EMILIN1: variants seen among roughly 807,000 people sequenced by gnomAD.
EMILIN1 encodes the protein EMILIN-1.
Under a neutral mutation model 82.4 loss-of-function variants are expected in EMILIN1, and 49 were observed. That is an observed-to-expected ratio of 0.59 (90% CI 0.47 to 0.75). The LOEUF (loss-of-function observed/expected upper bound fraction) is 0.75. EMILIN1 is among the 30% of genes least tolerant of loss of function. EMILIN1 has a pLI of 0.00. For missense variants in EMILIN1, 1,313 were observed against 1,366.4 expected (o/e 0.96, Z 0.62); for synonymous variants, 604 against 602.2 (o/e 1.00, Z -0.04).
rs375021722 is a variant in EMILIN1, at chr2:27,082,542, G to A, written c.971G>A (p.Arg324Gln). The change falls in exon 4 of 8, where the codon CGA becomes CAA. Residue 324 changes from arginine to glutamine, a missense_variant. By Grantham distance (43) the Arg-to-Gln change is conservative (BLOSUM62 1). Coordinates refer to ENST00000380320, the MANE Select transcript of EMILIN1 (RefSeq NM_007046.4). ...RQQQEDRERL[R>Q]AMEKLLASVE... ...CAGCAGGAGGACAGGGAGCGGCTGC[G>A]AGCGATGGAGAAGCTGCTGGCCTCG... 3.1e-5 allele frequency: 48 copies of A among 1,542,812 alleles called. No homozygotes were observed. The highest frequency in any genetic ancestry group is 4.8e-5 in the South Asian group (4 of 84,020).
chr2:27,081,528 C>T (rs1488473083), intron 3 of EMILIN1, among the ~76,000 whole-genome samples: 1 of 152,166 alleles, frequency 6.6e-6, no homozygotes, highest in East Asian at 1.9e-4. Flanking sequence ...CAACTCTCAC[C>T]GTCCACAGAG....
At chr2:27,079,493 C>G (rs1436040423) in intron 1 of EMILIN1, among the ~76,000 whole-genome samples, 1 of 152,146 alleles carries the variant, frequency 6.6e-6, no homozygotes, top group African/African-American at 2.4e-5. Flanking sequence ...CGGGCCAGGC[C>G]TTCCTGCCAG....
chr2:27,079,147 G>A lies in EMILIN1; in HGVS notation c.82G>A (p.Gly28Ser), dbSNP rs1174686741. The A allele has an allele frequency of 2.5e-6, 4 of 1,603,402 alleles. No individual in the cohort carries two copies. Among genetic ancestry groups the A allele is most frequent in the Non-Finnish European group, 3.4e-6 (4 of 1,175,616 alleles). ...AGGGGCCGCCAGCTACCCTCCTCGA[G>A]GTTTCAGCCTCTACACAGGTTCCAG... The part of the protein sequence containing the change: ...AAGAASYPPR[G>S]FSLYTGSSGA... Residue 28 changes from glycine to serine, a missense_variant, in exon 1 of 8, where the codon GGT becomes AGT. By Grantham distance (56) the Gly-to-Ser change is moderately conservative (BLOSUM62 0). Coordinates refer to ENST00000380320, the MANE Select transcript of EMILIN1 (RefSeq NM_007046.4).
In EMILIN1 at chr2:27,079,005, G is replaced by A. The variant is rs1489419590; in HGVS notation, c.-61G>A. On this transcript the variant is annotated 5_prime_UTR_variant, in exon 1 of 8. Transcript: ENST00000380320. ...GTGGAGCAGCAGCATCCCCGGGGCC[G>A]GCAGAGGCGCCAGTGGCTGGGCGGG... 16 of 1,343,252 alleles carry A rather than the reference G, an allele frequency of 1.2e-5. No homozygotes were observed. The highest frequency in any genetic ancestry group is 7.3e-5 in the South Asian group (5 of 68,080). The allele number at this position is 1,343,252 out of a possible 1,614,324, so 83.2% of individuals were successfully genotyped here. A position where few individuals can be genotyped will look rare whatever the true frequency, so the allele number is the denominator to read the frequency against.
rs766286890 is a variant in EMILIN1 at position 27,083,936 on chromosome 2, C to G, written c.2365C>G (p.Arg789Gly). The G allele has an allele frequency of 6.3e-7, 1 of 1,592,268 alleles. No homozygotes were observed. Among genetic ancestry groups the G allele is most frequent in the Non-Finnish European group, 8.6e-7 (1 of 1,167,722 alleles). ...CGGGGGACAGGCGGGCCTGGGCAGGCGGCTGGGTGCCCTTAACAGCTCCCT... is the reference window on the plus strand; with the variant it reads ...CGGGGGACAGGCGGGCCTGGGCAGGGGGCTGGGTGCCCTTAACAGCTCCCT... ...LVGGQAGLGR[R>G]LGALNSSLQL... Residue 789 changes from arginine to glycine, a missense_variant, in exon 4 of 8, where the codon CGG (arginine) becomes GGG (glycine). Arg to Gly is a moderately radical substitution (Grantham distance 125, BLOSUM62 -2). Transcript: ENST00000380320.
In EMILIN1 at chr2:27,083,593, T is replaced by A; in HGVS notation, c.2022T>A (p.Asp674Glu). ...LQTTVEGQGA[D>E]LADLGATKDR... Reference sequence around the variant, plus strand: ...CCACTGTGGAGGGCCAGGGCGCTGATCTGGCTGACCTGGGGGCAACCAAGG... The same window carrying A: ...CCACTGTGGAGGGCCAGGGCGCTGAACTGGCTGACCTGGGGGCAACCAAGG... The change falls in exon 4 of 8, where the codon GAT becomes GAA. Residue 674 changes from aspartate to glutamate, a missense_variant. Asp to Glu is a conservative substitution (Grantham distance 45). Coordinates refer to ENST00000380320, the MANE Select transcript of EMILIN1 (RefSeq NM_007046.4). 2 of 1,613,720 alleles carry A rather than the reference T, an allele frequency of 1.2e-6. No homozygotes were observed. Among genetic ancestry groups the A allele is most frequent in the Non-Finnish European group, 1.7e-6 (2 of 1,179,708 alleles).
chr2:27,083,736 G>A lies in EMILIN1; in HGVS notation c.2165G>A (p.Ser722Asn), dbSNP rs906869865. The A allele has an allele frequency of 6.2e-7, 1 of 1,613,584 alleles. No homozygotes were observed. The highest frequency in any genetic ancestry group is 1.7e-5 in the Admixed American group (1 of 60,002). The change falls in exon 4 of 8, where the codon AGC becomes AAC. Residue 722 changes from serine to asparagine, a missense_variant. Physicochemically the swap from Ser to Asn is conservative, Grantham distance 46. Transcript: ENST00000380320. Reference protein sequence around the residue: ...EGQAQAGQCPSLEGRLGRLEG... With the variant: ...EGQAQAGQCPNLEGRLGRLEG... ...CAAGCACAGGCCGGCCAGTGCCCCA[G>A]CTTAGAGGGGCGATTGGGCCGTCTT...
intron 7 of EMILIN1, among the ~76,000 whole-genome samples, 165 bp downstream of exon 7, chr2:27,085,462 G>A (rs548894299): frequency 3.9e-5 from 6 of 152,380 alleles, no homozygotes; most frequent in Admixed American, 1.3e-4. Context: ...GGGAGAAGAA[G>A]TAGTCATTCA....
Position 27,080,714 on chromosome 2 carries a change from T to A in EMILIN1, c.291-18T>A, listed in dbSNP as rs747792185. 2.5e-6 allele frequency: 4 copies of A among 1,601,012 alleles called. No homozygotes were observed. Among genetic ancestry groups the A allele is most frequent in the Admixed American group, 3.4e-5 (2 of 58,974 alleles). ...CCGTACAGGGAGGAATAAAGAGGCC[T>A]CCTTCTGCCTCTGCCAGGTACCGCC... is the stretch of plus-strand genomic sequence containing the variant. On this transcript the variant is annotated intron_variant, in intron 2 of 7. Transcript: ENST00000380320.
Position 27,083,350 on chromosome 2 carries a change from C to T in EMILIN1, c.1779C>T (p.Gly593=), listed in dbSNP as rs1373443292. 2.5e-6 allele frequency: 4 copies of T among 1,613,028 alleles called. No individual in the cohort carries two copies. Among genetic ancestry groups the T allele is most frequent in the African/African-American group, 1.3e-5 (1 of 75,052 alleles). The part of the protein sequence containing the change: ...GACGGVQEEL[G]RLRDGVERCS... ...GTGGCGGAGTCCAAGAGGAACTAGG[C>T]CGCCTTCGGGATGGTGTGGAGCGCT... The change falls in exon 4 of 8, where the codon GGC becomes GGT. Residue 593 remains glycine (G), a synonymous_variant. Coordinates refer to ENST00000380320, the MANE Select transcript of EMILIN1 (RefSeq NM_007046.4).
In EMILIN1 at chr2:27,080,177, G is replaced by A. The variant is rs753987568; in HGVS notation, c.197G>A (p.Arg66Gln). 21 of 1,613,976 alleles carry A rather than the reference G, an allele frequency of 1.3e-5. No individual in the cohort carries two copies. The highest frequency in any genetic ancestry group is 2.2e-5 in the South Asian group (2 of 91,092). ...HRNWCAYVVT[R>Q]TVSCVLEDGV... ...AACTGGTGTGCCTACGTGGTGACCC[G>A]GACAGTGAGCTGTGTCCTTGAGGAT... The change falls in exon 2 of 8, where the codon CGG (arginine) becomes CAG (glutamine). Residue 66 changes from arginine to glutamine, a missense_variant. Transcript: ENST00000380320.
Position 27,082,633 on chromosome 2 carries a change from C to G in EMILIN1, c.1062C>G (p.Cys354Trp). The part of the protein sequence containing the change: ...AVGRRPPQEC[C>W]SPELGRRLAE... ...GCCGCAGGCCCCCTCAGGAATGCTG[C>G]TCTCCAGAGCTGGGCCGGCGACTGG... The change falls in exon 4 of 8, where the codon TGC becomes TGG. Residue 354 changes from cysteine to tryptophan, a missense_variant. Transcript: ENST00000380320. 1 of 1,545,926 alleles carries G rather than the reference C, an allele frequency of 6.5e-7. No homozygotes were observed. Among genetic ancestry groups the G allele is most frequent in the Non-Finnish European group, 8.7e-7 (1 of 1,148,038 alleles).
rs779056315 is a variant in EMILIN1, at chr2:27,082,994, A to T, written c.1423A>T (p.Met475Leu). 3 of 1,570,784 alleles carry T rather than the reference A, an allele frequency of 1.9e-6. No homozygotes were observed. Among genetic ancestry groups the T allele is most frequent in the Non-Finnish European group, 2.6e-6 (3 of 1,158,766 alleles). The change falls in exon 4 of 8, where the codon ATG becomes TTG. Residue 475 changes from methionine to leucine, a missense_variant. Physicochemically the swap from Met to Leu is conservative, Grantham distance 15. Transcript: ENST00000380320. Reference sequence around the variant, plus strand: ...GTTGGAGGAGCAGGTGGCAGGGGCCATGCAGGCATGCGGGCAGCTCTGCTC... The same window carrying T: ...GTTGGAGGAGCAGGTGGCAGGGGCCTTGCAGGCATGCGGGCAGCTCTGCTC... ...DLLEEQVAGA[M>L]QACGQLCSGA...
At position 27,078,722 on chromosome 2, in the gene EMILIN1, G is replaced by T; in HGVS notation, c.-344G>T. On this transcript the variant is annotated 5_prime_UTR_variant, in exon 1 of 8. Transcript: ENST00000380320. ...CAGAAGAGGGCCAGCTGGGACGAGG[G>T]GGCGGACGCCCAGGAGGCAACTTCT... The T allele has an allele frequency of 3.9e-6, 1 of 254,454 alleles. No individual in the cohort carries two copies. The highest frequency in any genetic ancestry group is 7.5e-6 in the Non-Finnish European group (1 of 134,052). The allele number at this position is 254,454 out of a possible 1,614,324, so 15.8% of individuals were successfully genotyped here. A position where few individuals can be genotyped will look rare whatever the true frequency, so the allele number is the denominator to read the frequency against.
rs1319521284 is a variant in EMILIN1, at chr2:27,080,135, G to A, written c.171-16G>A. ...GTATCTTTGGTCCTTGGACCCAGAGGGGGTTGTACCTACAGGAACTGGTGT... is the reference window on the plus strand; with the variant it reads ...GTATCTTTGGTCCTTGGACCCAGAGAGGGTTGTACCTACAGGAACTGGTGT... On this transcript the variant is annotated splice_polypyrimidine_tract_variant and intron_variant, in intron 1 of 7. Coordinates refer to ENST00000380320, the MANE Select transcript of EMILIN1 (RefSeq NM_007046.4). 2 of 1,613,726 alleles carry A rather than the reference G, an allele frequency of 1.2e-6. No homozygotes were observed. Among genetic ancestry groups the A allele is most frequent in the South Asian group, 1.1e-5 (1 of 91,036 alleles).
At chr2:27,084,309 A>G in intron 4 of EMILIN1, 106 bp from the exon 5 acceptor site, 1 of 757,806 alleles carries the variant, frequency 1.3e-6, no homozygotes. Flanking sequence ...GCAAAGCTCC[A>G]CCTGTTCCAT....
intron 5 of EMILIN1, 74 bp from the exon 6 acceptor site, chr2:27,084,917 C>A: frequency 7.2e-7 from 1 of 1,388,272 alleles, no homozygotes; most frequent in Non-Finnish European, 1.0e-6. Flanking sequence ...AACAGGAGAG[C>A]CTCAGCAGAT....
At chr2:27,080,648 A>C in intron 2 of EMILIN1, 84 bp from the exon 3 acceptor site, 2 of 1,164,210 alleles carry the variant, frequency 1.7e-6, no homozygotes, top group Non-Finnish European at 2.4e-6. Context: ...CATGCCCACC[A>C]GCAGCTGCCC....
At position 27,079,112 on chromosome 2, in the gene EMILIN1, C is replaced by T. The variant is rs777527430; in HGVS notation, c.47C>T (p.Thr16Met). The change falls in exon 1 of 8, where the codon ACG becomes ATG. Residue 16 changes from threonine (T) to methionine (M), a missense_variant. Thr to Met is a moderately conservative substitution (Grantham distance 81, BLOSUM62 -1). Coordinates refer to ENST00000380320, the MANE Select transcript of EMILIN1 (RefSeq NM_007046.4). ...LWSCYLCCLL[T>M]AAAGAASYPP... The stretch of plus-strand genomic sequence containing the variant: ...AGCTGCTACCTCTGCTGCCTGCTGA[C>T]GGCAGCTGCAGGGGCCGCCAGCTAC... 4.6e-5 allele frequency: 74 copies of T among 1,605,658 alleles called. No individual in the cohort carries two copies. The highest frequency in any genetic ancestry group is 5.9e-5 in the Non-Finnish European group (70 of 1,176,508).
Sources: gnomAD v4.1 joint callset for allele counts (sites outside exome capture counted in the v4.1 genomes callset) on GRCh38, gnomAD v4.1.1 for gene constraint, MANE v1.5 for transcripts, NCBI Gene and HGNC (gene_info 2026-07-23, HGNC 2026-07-21) for gene names.